FAM181A: variants seen among roughly 807,000 people sequenced by gnomAD.
The protein encoded by FAM181A is protein FAM181A.
In FAM181A, 7 loss-of-function variants were observed where a neutral mutation model predicts 16.3. The observed-to-expected ratio is 0.43, with a 90% CI of 0.24 to 0.81. The LOEUF is 0.81. Among genes scored for constraint, FAM181A ranks in the 30% least tolerant of loss-of-function variants. The pLI is 0.24. For synonymous variants in FAM181A, 183 were observed against 164.9 expected, an observed-to-expected ratio of 1.11 and a Z score of -0.84; for missense variants, 349 against 377.5, an observed-to-expected ratio of 0.92 and a Z score of 0.63.
intron 1 of FAM181A, among the ~76,000 whole-genome samples, chr14:93,921,427 A>G (rs902126634): frequency 1.3e-5 from 2 of 152,206 alleles, no homozygotes; most frequent in Admixed American, 1.3e-4. Context: ...ACACCAGGCA[A>G]CTTCACCAGC....
At chr14:93,919,900 G>T (rs866018176) in intron 1 of FAM181A, among the ~76,000 whole-genome samples, 1 of 151,744 alleles carries the variant, frequency 6.6e-6, no homozygotes, top group South Asian at 2.1e-4. Context: ...AATGATCAAA[G>T]CCATGCCCTC....
intron 1 of FAM181A, among the ~76,000 whole-genome samples, chr14:93,919,742 A>T (rs1887655501): frequency 6.6e-6 from 1 of 152,204 alleles, no homozygotes; most frequent in Non-Finnish European, 1.5e-5. Context: ...CAAAGAGGAC[A>T]TCTCAAAGAA....
At position 93,928,810 on chromosome 14, in the gene FAM181A, G is replaced by T. The variant is rs374438649; in HGVS notation, c.525G>T (p.Glu175Asp). The stretch of plus-strand genomic sequence containing the variant: ...GTAAGAAAAATTGCAAGGGCTTGGA[G>T]CCCCTGGGACCTGAGACTACCCTGG... The part of the protein sequence containing the change: ...YEGKKNCKGL[E>D]PLGPETTLVS... The change falls in exon 2 of 2, where the codon GAG becomes GAT. Residue 175 changes from glutamate (E) to aspartate (D), a missense_variant. Coordinates refer to ENST00000556222, the MANE Select transcript of FAM181A (RefSeq NM_001207073.2). 3 of 1,613,976 alleles carry T rather than the reference G, an allele frequency of 1.9e-6. No individual in the cohort carries two copies. Among genetic ancestry groups the T allele is most frequent in the Non-Finnish European group, 2.5e-6 (3 of 1,179,924 alleles).
chr14:93,925,123 T>C (rs1887852115), upstream of FAM181A: 4 of 658,542 alleles, frequency 6.1e-6, no homozygotes, highest in Non-Finnish European at 1.0e-5. Flanking sequence ...TCCCACGGAG[T>C]CCACGGGCCT....
intron 1 of FAM181A, 168 bp downstream of exon 1, chr14:93,927,622 G>T: frequency 1.6e-6 from 2 of 1,286,120 alleles, no homozygotes; most frequent in Non-Finnish European, 1.0e-6. Flanking sequence ...AGATCAGCCC[G>T]CAAGGCAGGT....
chr14:93,924,359 T>A (rs1887826536), upstream of FAM181A, among the ~76,000 whole-genome samples: 1 of 152,200 alleles, frequency 6.6e-6, no homozygotes, highest in East Asian at 1.9e-4. Flanking sequence ...AGAATCAGGT[T>A]TGAGGCTTCT....
At chr14:93,927,775 G>T (rs1887971198) in intron 1 of FAM181A, 3 of 697,186 alleles carry the variant, frequency 4.3e-6, no homozygotes, top group South Asian at 1.9e-5. Context: ...GGGAGGAAGG[G>T]GGCTTGGCCT....
rs745773785 is a variant in FAM181A at position 93,928,335 on chromosome 14, C to T, written c.50C>T (p.Ala17Val). Reference sequence around the variant, plus strand: ...ATGCTGCTGAACTTCGTGAACCTGGCGTCCAGCGACATCAAGGCAGCCCTG... The same window carrying T: ...ATGCTGCTGAACTTCGTGAACCTGGTGTCCAGCGACATCAAGGCAGCCCTG... ...VKMLLNFVNL[A>V]SSDIKAALDK... is the part of the protein sequence containing the mutation. Residue 17 changes from alanine to valine, a missense_variant, in exon 2 of 2, where the codon GCG (alanine) becomes GTG (valine). By Grantham distance (64) the Ala-to-Val change is moderately conservative (BLOSUM62 0). Coordinates refer to ENST00000556222, the MANE Select transcript of FAM181A (RefSeq NM_001207073.2). The T allele has an allele frequency of 9.3e-6, 15 of 1,613,718 alleles. No individual in the cohort carries two copies. The highest frequency in any genetic ancestry group is 6.7e-5 in the East Asian group (3 of 44,900).
In FAM181A at chr14:93,928,768, G is replaced by A. The variant is rs1888033373; in HGVS notation, c.483G>A (p.Glu161=). The A allele has an allele frequency of 1.2e-6, 2 of 1,613,826 alleles. No homozygotes were observed. Among genetic ancestry groups the A allele is most frequent in the Admixed American group, 1.7e-5 (1 of 60,012 alleles). Residue 161 remains glutamate (E), a synonymous_variant, in exon 2 of 2, where the codon GAG becomes GAA. Transcript: ENST00000556222. ...TGGAGGGGGGACTGGGCCCCAGGGA[G>A]GGACCTCCCTATGAGGGTAAGAAAA... ...VGLEGGLGPR[E]GPPYEGKKNC...
intron 1 of FAM181A, among the ~76,000 whole-genome samples, chr14:93,921,029 G>T (rs535238642): frequency 6.6e-6 from 1 of 152,282 alleles, no homozygotes; most frequent in South Asian, 2.1e-4. Flanking sequence ...CAAATCATTT[G>T]CCAAATATAA....
chr14:93,928,591 C>A lies in FAM181A; in HGVS notation c.306C>A (p.Asn102Lys), dbSNP rs773217305. 6.2e-7 allele frequency: 1 copy of A among 1,613,864 alleles called. No homozygotes were observed. Among genetic ancestry groups the A allele is most frequent in the Non-Finnish European group, 8.5e-7 (1 of 1,179,984 alleles). Residue 102 changes from asparagine (N) to lysine (K), a missense_variant, in exon 2 of 2, where the codon AAC (asparagine) becomes AAA (lysine). Transcript: ENST00000556222. ...GGGCKEKVLR[N>K]PYREECLAKE... ...GCTGCAAGGAGAAGGTGCTGAGGAA[C>A]CCCTACAGGGAGGAATGTCTTGCTA... is the stretch of plus-strand genomic sequence containing the variant.
chr14:93,922,979 A>AT (rs149926732), upstream of FAM181A, among the ~76,000 whole-genome samples: 7,618 of 147,656 alleles, frequency 0.052, 231 homozygotes, highest in Non-Finnish European at 0.073. Flanking sequence ...GAATCTCCAC[A>AT]TTTTTTTTTT....
chr14:93,929,170 C>T lies in FAM181A; in HGVS notation c.*6C>T, dbSNP rs757652421. On this transcript the variant is annotated 3_prime_UTR_variant, in exon 2 of 2. Coordinates refer to ENST00000556222, the MANE Select transcript of FAM181A (RefSeq NM_001207073.2). ...ATGTCTTTGGCTACCTCTAGCCACG[C>T]GGAGAGGGCCTCAGCCCCCACCTCT... 3.3e-5 allele frequency: 50 copies of T among 1,511,948 alleles called. No homozygotes were observed. Among genetic ancestry groups the T allele is most frequent in the African/African-American group, 1.3e-4 (9 of 71,668 alleles). 93.7% of individuals were successfully genotyped at this position (1,511,948 alleles called of 1,614,324 possible).
rs200826578 is a variant in FAM181A, at chr14:93,928,636, G to A, written c.351G>A (p.Arg117=). The A allele has an allele frequency of 1.2e-4, 201 of 1,613,858 alleles. No individual in the cohort carries two copies. Among genetic ancestry groups the A allele is most frequent in the Non-Finnish European group, 1.6e-4 (190 of 1,180,004 alleles). Residue 117 remains arginine (R), a synonymous_variant, in exon 2 of 2, where the codon AGG becomes AGA. Coordinates refer to ENST00000556222, the MANE Select transcript of FAM181A (RefSeq NM_001207073.2). ...ECLAKEQLPQ[R]QHPEAAQPGQ... is the part of the protein sequence containing the mutation. Reference sequence around the variant, plus strand: ...TTGCTAAGGAGCAGCTCCCACAGAGGCAGCATCCAGAAGCTGCCCAGCCTG... The same window carrying A: ...TTGCTAAGGAGCAGCTCCCACAGAGACAGCATCCAGAAGCTGCCCAGCCTG...
rs546688142 is a variant in FAM181A at position 93,928,390 on chromosome 14, G to T, written c.105G>T (p.Val35=). Residue 35 remains valine (V), a synonymous_variant, in exon 2 of 2, where the codon GTG becomes GTT. Coordinates refer to ENST00000556222, the MANE Select transcript of FAM181A (RefSeq NM_001207073.2). ...AGTCCGCACCCTGCCGCCGCTCCGT[G>T]GACCATCGCAAGTACCTGCAGAAGC... ...LDKSAPCRRS[V]DHRKYLQKQL... 3.1e-6 allele frequency: 5 copies of T among 1,613,884 alleles called. No individual in the cohort carries two copies. Among genetic ancestry groups the T allele is most frequent in the Admixed American group, 3.3e-5 (2 of 60,030 alleles).
At chr14:93,925,451 G>A, upstream of FAM181A, 14 of 1,372,900 alleles carry the variant, frequency 1.0e-5, no homozygotes, top group Non-Finnish European at 1.4e-5. Flanking sequence ...GTAGGCAGCA[G>A]GGAGCTGGCC....
At chr14:93,924,585 C>T (rs1395764375), upstream of FAM181A, among the ~76,000 whole-genome samples, 1 of 152,236 alleles carries the variant, frequency 6.6e-6, no homozygotes, top group African/African-American at 2.4e-5. Context: ...TGCCTCCTCT[C>T]CCTGCTCCTG....
intron 1 of FAM181A, 131 bp downstream of exon 1, chr14:93,927,585 G>C (rs368440704): frequency 2.3e-6 from 3 of 1,287,102 alleles, no homozygotes. Context: ...ATGCTTCTTC[G>C]GGGGAATCCC....
chr14:93,922,644 C>T (rs1418953686), upstream of FAM181A, among the ~76,000 whole-genome samples: 3 of 152,112 alleles, frequency 2.0e-5, no homozygotes, highest in Admixed American at 6.5e-5. Context: ...GAGCCGAGAT[C>T]GCACCATTGC....
Sources: allele counts gnomAD v4.1 joint callset (sites outside exome capture counted in the v4.1 genomes callset), GRCh38; gene constraint gnomAD v4.1.1; transcripts MANE v1.5; gene names NCBI Gene and HGNC (gene_info 2026-07-23, HGNC 2026-07-21).